ZC3H12B: variants seen among roughly 807,000 people sequenced by gnomAD.
ZC3H12B encodes the protein zinc finger CCCH-type containing 12B, also known as probable ribonuclease ZC3H12B.
In ZC3H12B, 7 loss-of-function variants were observed where a neutral mutation model predicts 43.9. The ratio of observed to expected loss-of-function variants is 0.16; its 90% CI spans 0.09 to 0.30. The LOEUF is 0.30. ZC3H12B is among the 10% of genes least tolerant of loss of function. ZC3H12B has a pLI of 1.00. For synonymous variants in ZC3H12B, 222 were observed against 241.7 expected (o/e 0.92, Z 0.76); for missense variants, 475 against 670.2 (o/e 0.71, Z 3.22).
At chrX:65,285,872 A>T in the ZC3H12B span, among the ~76,000 whole-genome samples, 1 of 111,863 alleles carries the variant, frequency 8.9e-6, no homozygotes, top group East Asian at 2.8e-4. Context: ...AAAGAAAGGA[A>T]CACAGAATAT....
chrX:65,454,455 C>A (rs907101907), intron 3 of ZC3H12B, among the ~76,000 whole-genome samples: 2 of 112,176 alleles, frequency 1.8e-5, no homozygotes, highest in Non-Finnish European at 3.8e-5. Flanking sequence ...ATTGCCGAGG[C>A]TTGAGTAGGT....
In ZC3H12B at chrX:65,370,372, G is replaced by A. The variant is rs754875908; in HGVS notation, n.295+1374G>A. ...AGTTTGGCTATTAATTTACTCTCTCGGAGTCTCAGTTTTCTCATCTGTAAC... is the reference window on the plus strand; with the variant it reads ...AGTTTGGCTATTAATTTACTCTCTCAGAGTCTCAGTTTTCTCATCTGTAAC... On this transcript the variant is annotated intron_variant and non_coding_transcript_variant, in intron 2 of 5. Transcript: ENST00000617377. 9.9e-5 allele frequency among the ~76,000 whole-genome samples: 11 copies of A among 110,686 alleles called. No individual in the cohort carries two copies. The East Asian group carries it at 2.6e-3, about 26-fold the overall frequency.
chrX:65,452,172 T>G (rs1177168894), intron 3 of ZC3H12B, among the ~76,000 whole-genome samples: 1 of 111,148 alleles, frequency 9.0e-6, no homozygotes, highest in East Asian at 2.8e-4. Context: ...GTACTGGAAG[T>G]CCTAGCCAGG....
chrX:65,148,491 C>T, the ZC3H12B span, among the ~76,000 whole-genome samples: 1 of 111,226 alleles, frequency 9.0e-6, no homozygotes, highest in African/African-American at 3.3e-5. Context: ...TGTTGACATG[C>T]GTCTGGAGAC....
chrX:65,484,368 A>G (rs2068099800), upstream of ZC3H12B, among the ~76,000 whole-genome samples: 1 of 112,362 alleles, frequency 8.9e-6, no homozygotes, highest in Admixed American at 9.5e-5. Flanking sequence ...AGTTAACAAA[A>G]AAAGTAATTC....
the ZC3H12B span, among the ~76,000 whole-genome samples, chrX:65,326,806 A>T: frequency 8.9e-6 from 1 of 111,760 alleles, no homozygotes; most frequent in African/African-American, 3.2e-5. Context: ...CTCAATTTTT[A>T]AAAAGAAATG....
At chrX:65,147,149 TG>T in the ZC3H12B span, among the ~76,000 whole-genome samples, 3 of 112,407 alleles carry the variant, frequency 2.7e-5, no homozygotes, top group Admixed American at 1.9e-4. Flanking sequence ...GTGCTTGATA[TG>T]ATCTGCACTT....
chrX:65,290,136 G>A, the ZC3H12B span, among the ~76,000 whole-genome samples: 530 of 110,400 alleles, frequency 4.8e-3, 2 homozygotes, highest in Non-Finnish European at 8.2e-3. Flanking sequence ...AAATCAACAG[G>A]AAAACACAAA....
At chrX:65,165,163 ACT>A in the ZC3H12B span, among the ~76,000 whole-genome samples, 8 of 112,290 alleles carry the variant, frequency 7.1e-5, no homozygotes, top group Non-Finnish European at 1.1e-4. Context: ...TGAAATAAAT[ACT>A]GTTATTATTT....
At chrX:65,075,653 C>T in the ZC3H12B span, among the ~76,000 whole-genome samples, 1 of 111,788 alleles carries the variant, frequency 8.9e-6, no homozygotes, top group Non-Finnish European at 1.9e-5. Flanking sequence ...CTATGCCGAG[C>T]TGGGAGGAGG....
chrX:65,275,964 AT>A, the ZC3H12B span, among the ~76,000 whole-genome samples: 1 of 111,815 alleles, frequency 8.9e-6, no homozygotes, highest in Non-Finnish European at 1.9e-5. Flanking sequence ...ACAATCCATG[AT>A]TTTAATGAAA....
the ZC3H12B span, among the ~76,000 whole-genome samples, chrX:65,111,916 A>G: frequency 9.0e-6 from 1 of 111,617 alleles, no homozygotes; most frequent in Non-Finnish European, 1.9e-5. Flanking sequence ...GTTCAAGTGA[A>G]AAGAAGAGTA....
chrX:65,251,762 TTG>T, the ZC3H12B span, among the ~76,000 whole-genome samples: 2 of 111,599 alleles, frequency 1.8e-5, no homozygotes, highest in Non-Finnish European at 3.8e-5. Flanking sequence ...ATAAGAATGC[TTG>T]TGATTTTTGC....
the ZC3H12B span, among the ~76,000 whole-genome samples, chrX:65,235,737 G>T: frequency 8.9e-6 from 1 of 111,895 alleles, no homozygotes; most frequent in Non-Finnish European, 1.9e-5. Context: ...GTGCTTCAAG[G>T]GGTGTTACAG....
At chrX:65,427,329 C>T (rs1445426908) in intron 3 of ZC3H12B, among the ~76,000 whole-genome samples, 6 of 110,554 alleles carry the variant, frequency 5.4e-5, no homozygotes, top group African/African-American at 1.6e-4. Flanking sequence ...CTCTCCATCC[C>T]TTTATTTTAA....
At chrX:65,270,403 A>G in the ZC3H12B span, among the ~76,000 whole-genome samples, 1 of 111,952 alleles carries the variant, frequency 8.9e-6, no homozygotes, top group East Asian at 2.8e-4. Flanking sequence ...AAAGACCTAA[A>G]TGTAAGACCT....
intron 3 of ZC3H12B, among the ~76,000 whole-genome samples, chrX:65,452,739 G>A (rs747097763): frequency 4.5e-5 from 5 of 109,901 alleles, no homozygotes; most frequent in Non-Finnish European, 9.5e-5. Flanking sequence ...TGCTCGGGAG[G>A]CTGAGGCAGG....
chrX:65,263,013 C>G, the ZC3H12B span, among the ~76,000 whole-genome samples: 5 of 110,559 alleles, frequency 4.5e-5, no homozygotes, highest in African/African-American at 1.3e-4. Flanking sequence ...AACCTGAGTT[C>G]ACGTCCTAGA....
chrX:65,406,192 A>G (rs747386086), intron 3 of ZC3H12B, among the ~76,000 whole-genome samples: 2 of 110,826 alleles, frequency 1.8e-5, no homozygotes, highest in Non-Finnish European at 3.8e-5. Flanking sequence ...ACAACAAAAA[A>G]AGAAAACTAC....
Sources: allele counts gnomAD v4.1 joint callset (sites outside exome capture counted in the v4.1 genomes callset), GRCh38; gene constraint gnomAD v4.1.1; transcripts MANE v1.5; gene names NCBI Gene and HGNC (gene_info 2026-07-23, HGNC 2026-07-21).